NEO1: variants seen among roughly 807,000 people sequenced by gnomAD.
NEO1 encodes the protein neogenin 1.
In NEO1, 63 loss-of-function variants were observed where a neutral mutation model predicts 159.7. That is an observed-to-expected ratio of 0.39 (90% CI 0.32 to 0.49). The LOEUF is 0.49. Ranked by LOEUF, NEO1 falls within the 20% of genes least tolerant of loss-of-function variation. The probability of loss-of-function intolerance (pLI) is 0.85; values close to 1 mark genes in which losing one functional copy is unlikely to be tolerated. For synonymous variants in NEO1, 633 were observed against 662.0 expected, an observed-to-expected ratio of 0.96 and a Z score of 0.67; for missense variants, 1,615 against 1,831.0, an observed-to-expected ratio of 0.88 and a Z score of 2.15.
chr15:73,279,302 A>C (rs1053730088), intron 22 of NEO1, among the ~76,000 whole-genome samples: 1 of 145,536 alleles, frequency 6.9e-6, no homozygotes, highest in Non-Finnish European at 1.5e-5. Flanking sequence ...TCTTTCTTTC[A>C]TTCATGTATT....
At chr15:73,094,696 G>A (rs2069900953) in intron 1 of NEO1, among the ~76,000 whole-genome samples, 1 of 152,136 alleles carries the variant, frequency 6.6e-6, no homozygotes, top group Non-Finnish European at 1.5e-5. Flanking sequence ...CCACATGGTT[G>A]GGATATTGCT....
At chr15:73,065,898 T>C (rs886764835) in intron 1 of NEO1, among the ~76,000 whole-genome samples, 33 of 152,172 alleles carry the variant, frequency 2.2e-4, no homozygotes, top group African/African-American at 7.7e-4. Context: ...CTGCCCTGTT[T>C]TGGTTGTTAG....
At chr15:73,198,874 C>G (rs1293670196) in intron 7 of NEO1, among the ~76,000 whole-genome samples, 1 of 151,778 alleles carries the variant, frequency 6.6e-6, no homozygotes, top group Non-Finnish European at 1.5e-5. Context: ...GAAGATAATA[C>G]AGATAGTTCT....
chr15:73,284,996 TTATC>T (rs1226008140), intron 23 of NEO1, among the ~76,000 whole-genome samples: 12 of 152,242 alleles, frequency 7.9e-5, no homozygotes, highest in Non-Finnish European at 1.3e-4. Flanking sequence ...CATTTAATAT[TTATC>T]TATCTATGAA....
At chr15:73,135,218 T>C (rs996726084) in intron 4 of NEO1, among the ~76,000 whole-genome samples, 3 of 152,224 alleles carry the variant, frequency 2.0e-5, no homozygotes, top group Non-Finnish European at 2.9e-5. Flanking sequence ...TTTTCTTTTC[T>C]CTTTAAATCG....
At chr15:73,219,441 G>T (rs1421657982) in intron 7 of NEO1, among the ~76,000 whole-genome samples, 5 of 143,212 alleles carry the variant, frequency 3.5e-5, no homozygotes, top group Non-Finnish European at 7.6e-5. Flanking sequence ...TATTAGGTCT[G>T]CTTGGTGCAG....
chr15:73,198,140 C>T (rs758669311), intron 7 of NEO1, among the ~76,000 whole-genome samples: 15 of 152,114 alleles, frequency 9.9e-5, no homozygotes, highest in Non-Finnish European at 1.9e-4. Flanking sequence ...TATCAAATGG[C>T]TGCCTTTAAA....
rs1194010940 is a variant in NEO1 at position 73,304,654 on chromosome 15, G to A, written c.*1958G>A. On this transcript the variant is annotated 3_prime_UTR_variant, in exon 29 of 29. Transcript: ENST00000261908. ...ACTTAAACTGATCCTGAAGAGAGCT[G>A]TCCCAGCACTCTGGCCACCAGGAGG... 1 of 152,104 alleles carries A rather than the reference G, an allele frequency of 6.6e-6. No homozygotes were observed. The highest frequency in any genetic ancestry group is 2.4e-5 in the African/African-American group (1 of 41,392). The allele number at this position is 152,104 out of a possible 1,614,324, so 9.4% of individuals were successfully genotyped here.
intron 1 of NEO1, among the ~76,000 whole-genome samples, chr15:73,090,119 T>C (rs543256589): frequency 9.8e-5 from 15 of 152,330 alleles, no homozygotes; most frequent in Admixed American, 5.9e-4. Context: ...GGAATTGATA[T>C]AGAAATATAT....
chr15:73,097,974 A>T (rs1320070594), intron 1 of NEO1, among the ~76,000 whole-genome samples: 2 of 151,930 alleles, frequency 1.3e-5, no homozygotes, highest in African/African-American at 4.8e-5. Flanking sequence ...TGAAGGCTAA[A>T]AGATTATACT....
chr15:73,094,533 C>G (rs1299474828), intron 1 of NEO1, among the ~76,000 whole-genome samples: 1 of 152,094 alleles, frequency 6.6e-6, no homozygotes, highest in Non-Finnish European at 1.5e-5. Context: ...AATGTATATT[C>G]TATACAATAG....
At chr15:73,290,223 A>AAT (rs2042108648) in intron 25 of NEO1, among the ~76,000 whole-genome samples, 1 of 116,732 alleles carries the variant, frequency 8.6e-6, no homozygotes, top group Admixed American at 1.1e-4. Flanking sequence ...TACTGTGTGG[A>AAT]ATTTTTTTTT....
intron 5 of NEO1, among the ~76,000 whole-genome samples, chr15:73,175,714 TATATC>T (rs1204843913): frequency 6.6e-6 from 1 of 152,178 alleles, no homozygotes; most frequent in Non-Finnish European, 1.5e-5. Context: ...TATAGGAAAT[TATATC>T]ATTAGGTAGG....
At chr15:73,249,908 A>G (rs996884692) in intron 11 of NEO1, among the ~76,000 whole-genome samples, 187 bp downstream of exon 11, 4 of 152,196 alleles carry the variant, frequency 2.6e-5, no homozygotes, top group Non-Finnish European at 5.9e-5. Context: ...TACCAACTTC[A>G]TTGAGTTGCT....
At chr15:73,140,123 C>T (rs983596944) in intron 5 of NEO1, among the ~76,000 whole-genome samples, 8 of 152,212 alleles carry the variant, frequency 5.3e-5, no homozygotes, top group African/African-American at 1.9e-4. Context: ...CTGTATTCCA[C>T]TATAATGGCT....
At chr15:73,164,146 G>C (rs1363104493) in intron 5 of NEO1, among the ~76,000 whole-genome samples, 1 of 150,258 alleles carries the variant, frequency 6.7e-6, no homozygotes, top group Non-Finnish European at 1.5e-5. Context: ...TCCTGCCTCA[G>C]CCTCCCAAGT....
intron 7 of NEO1, among the ~76,000 whole-genome samples, chr15:73,225,674 A>G (rs1026716100): frequency 2.6e-5 from 4 of 152,104 alleles, no homozygotes; most frequent in African/African-American, 9.7e-5. Flanking sequence ...GTCTGCCAGC[A>G]GTTGGGGAGC....
At position 73,169,643 on chromosome 15, in the gene NEO1, CTTTTTTTTTTT is replaced by C. The variant is rs35991255; in HGVS notation, c.1016-6749_1016-6739del. Among the ~76,000 whole-genome samples the C allele has an allele frequency of 3.8e-5, 4 of 105,246 alleles. No individual in the cohort carries two copies. The East Asian group carries it at 1.2e-3, about 32-fold the overall frequency. 69.0% of individuals were successfully genotyped at this position (105,246 alleles called of 152,430 possible). The stretch of plus-strand genomic sequence containing the variant: ...TACCGAAATTATCTGCTCCCCCCTC[CTTTTTTTTTTT>C]TTTTTTTTTTGGAAGAGGCTTTTGC... On this transcript the variant is annotated intron_variant, in intron 5 of 28. Coordinates refer to ENST00000261908, the MANE Select transcript of NEO1 (RefSeq NM_002499.4).
chr15:73,260,577 T>G, intron 15 of NEO1, 112 bp downstream of exon 15: 3 of 978,950 alleles, frequency 3.1e-6, no homozygotes, highest in Non-Finnish European at 2.9e-6. Flanking sequence ...ACAAGTAATT[T>G]CTGCATGTTA....
Sources: allele counts gnomAD v4.1 joint callset (sites outside exome capture counted in the v4.1 genomes callset), GRCh38; gene constraint gnomAD v4.1.1; transcripts MANE v1.5; gene names NCBI Gene and HGNC (gene_info 2026-07-23, HGNC 2026-07-21).